The following NXPE4 variants were observed in gnomAD, a reference collection of about 807,000 sequenced individuals.
The protein encoded by NXPE4 is NXPE family member 4.
A neutral mutation model predicts 33.3 loss-of-function variants in NXPE4; 42 were observed. That is an observed-to-expected ratio of 1.26 (90% CI 0.98 to 1.63). The LOEUF is 1.63. Among genes scored for constraint, NXPE4 ranks in the 40% most tolerant of loss-of-function variants. The pLI is 0.00. For missense variants in NXPE4, 709 were observed against 647.6 expected (o/e 1.09, Z -1.03); for synonymous variants, 253 against 234.9 (o/e 1.08, Z -0.71).
upstream of NXPE4, among the ~76,000 whole-genome samples, chr11:114,600,449 G>A (rs552964451): frequency 6.6e-6 from 1 of 152,166 alleles, no homozygotes; most frequent in African/African-American, 2.4e-5. Flanking sequence ...AGACACAAAT[G>A]CTGTACTGAG....
the NXPE4 span, among the ~76,000 whole-genome samples, chr11:114,643,687 AGCATGAT>A: frequency 2.0e-5 from 3 of 152,220 alleles, no homozygotes; most frequent in East Asian, 5.8e-4. Flanking sequence ...AAAGTCAGGT[AGCATGAT>A]GCCTCCACCT....
the NXPE4 span, among the ~76,000 whole-genome samples, chr11:114,658,815 G>A: frequency 1.3e-5 from 2 of 152,072 alleles, no homozygotes; most frequent in Non-Finnish European, 2.9e-5. Flanking sequence ...AACACGAACA[G>A]AAGACCTACC....
At chr11:114,590,778 A>G (rs1949431485) in intron 2 of NXPE4, among the ~76,000 whole-genome samples, 1 of 152,190 alleles carries the variant, frequency 6.6e-6, no homozygotes, top group African/African-American at 2.4e-5. Flanking sequence ...TATTGGCCCT[A>G]CTGGTACTGG....
intron 2 of NXPE4, chr11:114,584,178 C>A: frequency 3.1e-6 from 1 of 326,958 alleles, no homozygotes. Context: ...TATAATGTTG[C>A]TCAGTGCCCT....
At position 114,590,950 on chromosome 11, in the gene NXPE4, T is replaced by A. The variant is rs905514471; in HGVS notation, c.96+3714A>T. Among the ~76,000 whole-genome samples, 3 of 152,202 alleles carry A rather than the reference T, an allele frequency of 2.0e-5. No individual in the cohort carries two copies. The South Asian group carries it at 6.2e-4, about 32-fold the overall frequency. On this transcript the variant is annotated intron_variant, in intron 2 of 5. Transcript: ENST00000375478. ...GTCAGCAGTTCTGTTAAAAACTTGT[T>A]CTTGCCTAAACCCAGCCACTTTCCT...
Position 114,570,924 on chromosome 11 carries a change from G to T in NXPE4, c.*14C>A. 1 of 1,533,384 alleles carries T rather than the reference G, an allele frequency of 6.5e-7. No homozygotes were observed. The highest frequency in any genetic ancestry group is 1.2e-5 in the South Asian group (1 of 80,116). The allele number at this position is 1,533,384 out of a possible 1,614,324, so 95.0% of individuals were successfully genotyped here. A position where few individuals can be genotyped will look rare whatever the true frequency, so the allele number is the denominator to read the frequency against. On this transcript the variant is annotated 3_prime_UTR_variant, in exon 6 of 6. Transcript: ENST00000375478. ...TTTTTACTTAAGTGAATGAATTTCA[G>T]ACTTTTGTGTTATTTAACAAATATA...
the NXPE4 span, among the ~76,000 whole-genome samples, chr11:114,653,350 C>T: frequency 3.3e-5 from 5 of 151,970 alleles, no homozygotes; most frequent in Non-Finnish European, 7.4e-5. Context: ...TTTTATTGTC[C>T]CTATAAGCTC....
At chr11:114,581,967 C>T (rs1949156539) in intron 3 of NXPE4, among the ~76,000 whole-genome samples, 181 bp from the exon 4 acceptor site, 1 of 152,146 alleles carries the variant, frequency 6.6e-6, no homozygotes, top group South Asian at 2.1e-4. Context: ...TACAGTTACC[C>T]AGAAGGTATG....
At chr11:114,639,156 C>G in the NXPE4 span, among the ~76,000 whole-genome samples, 1 of 152,064 alleles carries the variant, frequency 6.6e-6, no homozygotes, top group Non-Finnish European at 1.5e-5. Context: ...TTTACCTAAG[C>G]AAGCCTGGGC....
At chr11:114,605,732 C>A in the NXPE4 span, among the ~76,000 whole-genome samples, 1 of 151,570 alleles carries the variant, frequency 6.6e-6, no homozygotes. Context: ...AACCACTTTG[C>A]CCAGTGGATA....
chr11:114,604,223 G>C, the NXPE4 span, among the ~76,000 whole-genome samples: 2 of 152,058 alleles, frequency 1.3e-5, no homozygotes, highest in African/African-American at 4.8e-5. Context: ...GGTAACCACT[G>C]TTACCCGGTT....
the NXPE4 span, among the ~76,000 whole-genome samples, chr11:114,610,403 C>G: frequency 6.6e-6 from 1 of 151,852 alleles, no homozygotes; most frequent in Non-Finnish European, 1.5e-5. Flanking sequence ...CCACTGTTAT[C>G]CAGGGAATAA....
intron 5 of NXPE4, among the ~76,000 whole-genome samples, chr11:114,576,736 G>A (rs1047839020): frequency 1.3e-5 from 2 of 151,938 alleles, no homozygotes; most frequent in African/African-American, 4.8e-5. Context: ...TACACTGTTG[G>A]TGGGAATGTA....
the NXPE4 span, among the ~76,000 whole-genome samples, chr11:114,636,450 G>T: frequency 6.6e-6 from 1 of 151,916 alleles, no homozygotes; most frequent in Admixed American, 6.6e-5. Context: ...GGTTTTTTGT[G>T]TCTCTATTTC....
At chr11:114,627,265 G>T in the NXPE4 span, among the ~76,000 whole-genome samples, 3 of 152,028 alleles carry the variant, frequency 2.0e-5, no homozygotes, top group African/African-American at 7.2e-5. Flanking sequence ...AAGGCAGCCA[G>T]AGAGAAAGGT....
the NXPE4 span, among the ~76,000 whole-genome samples, chr11:114,632,751 AAT>A: frequency 2.8e-5 from 1 of 36,314 alleles, no homozygotes; most frequent in Non-Finnish European, 5.2e-5. Context: ...AATATATTAT[AAT>A]ATATCATATA....
At chr11:114,602,032 A>G in the NXPE4 span, among the ~76,000 whole-genome samples, 1 of 90,336 alleles carries the variant, frequency 1.1e-5, no homozygotes, top group Non-Finnish European at 1.9e-5. Context: ...TATATGTTAT[A>G]CTATATAATA....
the NXPE4 span, among the ~76,000 whole-genome samples, chr11:114,653,471 G>A: frequency 0.1 from 15,284 of 150,346 alleles, 1,003 homozygotes; most frequent in African/African-American, 0.18. Flanking sequence ...TTTAACCCTT[G>A]GGTGCTTGTA....
chr11:114,671,937 G>A, the NXPE4 span, among the ~76,000 whole-genome samples: 6 of 151,952 alleles, frequency 3.9e-5, no homozygotes, highest in Admixed American at 6.6e-5. Flanking sequence ...AGGTTTAATC[G>A]GCTTATGTTT....
Sources: gnomAD v4.1 joint callset for allele counts (sites outside exome capture counted in the v4.1 genomes callset) on GRCh38, gnomAD v4.1.1 for gene constraint, MANE v1.5 for transcripts, NCBI Gene and HGNC (gene_info 2026-07-23, HGNC 2026-07-21) for gene names.